DNMT3A: variants seen among roughly 807,000 people sequenced by gnomAD.
The protein encoded by DNMT3A is DNA methyltransferase 3 alpha.
In DNMT3A, 267 loss-of-function variants were observed where a neutral mutation model predicts 117.6. The ratio of observed to expected loss-of-function variants is 2.27; its 90% CI spans 2.05 to 2.51. The LOEUF (loss-of-function observed/expected upper bound fraction) is 2.51. DNMT3A is among the 30% of genes most tolerant of loss of function. The probability of loss-of-function intolerance (pLI) is 0.00; values close to 1 mark genes in which losing one functional copy is unlikely to be tolerated. For synonymous variants in DNMT3A, 432 were observed against 474.8 expected, an observed-to-expected ratio of 0.91 and a Z score of 1.17; for missense variants, 1,029 against 1,260.2, an observed-to-expected ratio of 0.82 and a Z score of 2.78.
intron 1 of DNMT3A, among the ~76,000 whole-genome samples, chr2:25,320,046 A>G (rs900490575): frequency 2.0e-5 from 3 of 152,230 alleles, no homozygotes; most frequent in Non-Finnish European, 2.9e-5. Context: ...CTGGGATTAG[A>G]GGCGTGAGCC....
At position 25,248,192 on chromosome 2, in the gene DNMT3A, C is replaced by T. The variant is rs757912991; in HGVS notation, c.700G>A (p.Gly234Arg). The change falls in exon 7 of 23, where the codon GGG becomes AGG. Residue 234 changes from glycine (G) to arginine (R), a missense_variant. By Grantham distance (125) the Gly-to-Arg change is moderately radical. Coordinates refer to ENST00000321117, the MANE Select transcript of DNMT3A (RefSeq NM_022552.5). ...MNAVEENQGP[G>R]ESQKVEEASP... is the part of the protein sequence containing the mutation. ...GCCTCCTCCACCTTCTGAGACTCCC[C>T]GGGCCCCTGGTTTTCTTCCACAGCA... The T allele has an allele frequency of 1.7e-5, 27 of 1,613,284 alleles. No individual in the cohort carries two copies. The highest frequency in any genetic ancestry group is 2.2e-5 in the East Asian group (1 of 44,884).
At chr2:25,299,221 G>A (rs561405875) in intron 3 of DNMT3A, among the ~76,000 whole-genome samples, 1 of 152,306 alleles carries the variant, frequency 6.6e-6, no homozygotes, top group Admixed American at 6.5e-5. Context: ...TACAGCCCAG[G>A]GGTCTTGTTC....
chr2:25,247,831 TGGGCATCTGGG>T lies in DNMT3A; in HGVS notation c.856-93_856-83del. 6.4e-7 allele frequency: 1 copy of T among 1,567,040 alleles called. No individual in the cohort carries two copies. The highest frequency in any genetic ancestry group is 8.6e-7 in the Non-Finnish European group (1 of 1,161,248). On this transcript the variant is annotated intron_variant, in intron 7 of 22. Transcript: ENST00000321117. The surrounding 1 kb of genome is among the most constrained non-coding windows in gnomAD (Gnocchi z 5.6). ...GATCCCCCCATGGCAACCCCAGCCCTGGGCATCTGGGGGGCAGGACAGCCAGGAGGGAGCTC... is the reference window on the plus strand; with the variant it reads ...GATCCCCCCATGGCAACCCCAGCCCTGGGCAGGACAGCCAGGAGGGAGCTC...
At chr2:25,251,866 C>A in intron 6 of DNMT3A, 1 of 415,610 alleles carries the variant, frequency 2.4e-6, no homozygotes, top group Middle Eastern at 6.2e-4. Flanking sequence ...CTGCCTCCAA[C>A]CCAACTCCTG....
chr2:25,236,972 CT>C lies in DNMT3A; in HGVS notation c.2441del (p.Glu814GlyfsTer11). ...TGCCATGCTCCAGACACTCCTGCAG[CT>C]CCAGCTTATCATTCACAGTGGATGC... Reference protein sequence around the residue: ...PLASTVNDKLELQECLEHGRI... With the variant: ...PLASTVNDKLXLQECLEHGRI... On this transcript the variant is annotated frameshift_variant, in exon 21 of 23. Transcript: ENST00000321117. LOFTEE classifies it high-confidence loss of function. The surrounding 1 kb of genome is among the most constrained non-coding windows in gnomAD (Gnocchi z 4.5). 6.2e-7 allele frequency: 1 copy of C among 1,613,636 alleles called. No individual in the cohort carries two copies. The highest frequency in any genetic ancestry group is 1.3e-5 in the African/African-American group (1 of 74,932).
chr2:25,302,870 A>T (rs2033593398), intron 2 of DNMT3A, among the ~76,000 whole-genome samples: 1 of 152,246 alleles, frequency 6.6e-6, no homozygotes, highest in African/African-American at 2.4e-5. Context: ...ATTAGGGGTC[A>T]TGTGAGGTCA....
intron 1 of DNMT3A, among the ~76,000 whole-genome samples, chr2:25,320,071 T>C (rs890992273): frequency 4.6e-5 from 7 of 152,144 alleles, no homozygotes; most frequent in African/African-American, 1.7e-4. Context: ...TGCCCAGCCA[T>C]GAATGGATTT....
At chr2:25,319,305 C>T (rs1212039857) in intron 1 of DNMT3A, among the ~76,000 whole-genome samples, 4 of 151,816 alleles carry the variant, frequency 2.6e-5, no homozygotes, top group South Asian at 2.1e-4. Flanking sequence ...TGAGCCACCA[C>T]GCCCGGGGTC....
intron 1 of DNMT3A, among the ~76,000 whole-genome samples, chr2:25,338,339 G>A (rs1332373826): frequency 6.6e-6 from 1 of 152,220 alleles, no homozygotes; most frequent in Non-Finnish European, 1.5e-5. Context: ...GCCCAAAGAT[G>A]GGGAGAGGGT....
rs2031990613 is a variant in DNMT3A at position 25,282,853 on chromosome 2, CAG to C, written c.178-144_178-143del. ...GTGTTCATATAAACCTTCATGCAAA[CAG>C]ATACATTCACAATTTTGCTTTCAAC... is the stretch of plus-strand genomic sequence containing the variant. On this transcript the variant is annotated intron_variant, in intron 3 of 22. Transcript: ENST00000321117. This position sits in a 1 kb window ranked among gnomAD's most constrained non-coding sequence, Gnocchi z 5.2. 6.6e-6 allele frequency: 7 copies of C among 1,060,046 alleles called. No individual in the cohort carries two copies. The highest frequency in any genetic ancestry group is 3.4e-5 in the Admixed American group (1 of 29,518). 65.7% of individuals were successfully genotyped at this position (1,060,046 alleles called of 1,614,324 possible).
At chr2:25,240,183 C>T in intron 19 of DNMT3A, 119 bp downstream of exon 19, 2 of 1,446,980 alleles carry the variant, frequency 1.4e-6, no homozygotes, top group Non-Finnish European at 1.9e-6. Context: ...CCCAAACAGG[C>T]CCCTTGCAAA....
rs1362908769 is a variant in DNMT3A, at chr2:25,252,182, C to G, written c.640-3930G>C. ...GCCCCCGGTCTCCCCGGGGCTCCGT[C>G]CAGGAACCTACCCATAAGGCCAGGT... On this transcript the variant is annotated intron_variant, in intron 6 of 22. Transcript: ENST00000321117. The surrounding 1 kb of genome is among the most constrained non-coding windows in gnomAD (Gnocchi z 5.5). The G allele has an allele frequency of 6.4e-7, 1 of 1,566,306 alleles. No individual in the cohort carries two copies. Among genetic ancestry groups the G allele is most frequent in the Admixed American group, 1.9e-5 (1 of 53,876 alleles).
chr2:25,285,198 A>C (rs779459592), intron 3 of DNMT3A, among the ~76,000 whole-genome samples: 18 of 152,206 alleles, frequency 1.2e-4, no homozygotes, highest in Non-Finnish European at 1.5e-4. Flanking sequence ...ACTCAAGTGC[A>C]CAGCCTGAGA....
Position 25,282,705 on chromosome 2 carries a change from T to G in DNMT3A, c.184A>C (p.Ser62Arg). 2 of 1,524,474 alleles carry G rather than the reference T, an allele frequency of 1.3e-6. No individual in the cohort carries two copies. Among genetic ancestry groups the G allele is most frequent in the African/African-American group, 2.8e-5 (2 of 71,956 alleles). The allele number at this position is 1,524,474 out of a possible 1,614,324, so 94.4% of individuals were successfully genotyped here. The part of the protein sequence containing the change: ...GRKRKHPPVE[S>R]GDTPKDPAVI... Reference sequence around the variant, plus strand: ...GCAGGGTCCTTTGGCGTGTCACCGCTTTCCACCTGCAAATGTAAGAAAGAT... The same window carrying G: ...GCAGGGTCCTTTGGCGTGTCACCGCGTTCCACCTGCAAATGTAAGAAAGAT... The change falls in exon 4 of 23, where the codon AGC (serine) becomes CGC (arginine). Residue 62 changes from serine to arginine, a missense_variant. Coordinates refer to ENST00000321117, the MANE Select transcript of DNMT3A (RefSeq NM_022552.5). The surrounding 1 kb of genome is among the most constrained non-coding windows in gnomAD (Gnocchi z 5.2).
At chr2:25,255,880 C>A (rs1191873193) in intron 6 of DNMT3A, among the ~76,000 whole-genome samples, 3 of 152,144 alleles carry the variant, frequency 2.0e-5, no homozygotes, top group Non-Finnish European at 4.4e-5. Flanking sequence ...CATCATGATA[C>A]CTCTCCAAAG....
rs1558723114 is a variant in DNMT3A at position 25,300,763 on chromosome 2, ATATAT to A, written c.73-525_73-521del. On this transcript the variant is annotated intron_variant, in intron 2 of 22. Transcript: ENST00000321117. ...TATATATATATATATATATATATAT[ATATAT>A]AAATAATACATCCTTTGGGGAACTT... Among the ~76,000 whole-genome samples, 78 of 77,554 alleles carry A rather than the reference ATATAT, an allele frequency of 1.0e-3. 2 individuals carry two copies. The highest frequency in any genetic ancestry group is 1.5e-3 in the Non-Finnish European group (60 of 41,328). The allele number at this position is 77,554 out of a possible 152,430, so 50.9% of individuals were successfully genotyped here. A position where few individuals can be genotyped will look rare whatever the true frequency, so the allele number is the denominator to read the frequency against.
chr2:25,282,683 G>A lies in DNMT3A; in HGVS notation c.206C>T (p.Pro69Leu), dbSNP rs2031976051. 1.3e-6 allele frequency: 2 copies of A among 1,549,028 alleles called. No individual in the cohort carries two copies. The highest frequency in any genetic ancestry group is 1.4e-5 in the African/African-American group (1 of 72,554). The change falls in exon 4 of 23, where the codon CCT becomes CTT. Residue 69 changes from proline (P) to leucine (L), a missense_variant. By Grantham distance (98) the Pro-to-Leu change is moderately conservative (BLOSUM62 -3). Coordinates refer to ENST00000321117, the MANE Select transcript of DNMT3A (RefSeq NM_022552.5). This position sits in a 1 kb window ranked among gnomAD's most constrained non-coding sequence, Gnocchi z 5.2. ...PVESGDTPKD[P>L]AVISKSPSMA... ...GGATGGGGACTTGGAGATCACCGCA[G>A]GGTCCTTTGGCGTGTCACCGCTTTC...
intron 6 of DNMT3A, among the ~76,000 whole-genome samples, chr2:25,253,801 C>G (rs1000284997): frequency 6.6e-6 from 1 of 152,178 alleles, no homozygotes; most frequent in Non-Finnish European, 1.5e-5. Flanking sequence ...TGGCCGAGCG[C>G]GGTGGCTCAC....
chr2:25,305,822 A>G lies in DNMT3A; in HGVS notation c.73-5579T>C, dbSNP rs1326949179. ...GCCCAGACACAGGACCCCTCCCCACAAGAGATTTATGTCTCTTGAGGCCCT... is the reference window on the plus strand; with the variant it reads ...GCCCAGACACAGGACCCCTCCCCACGAGAGATTTATGTCTCTTGAGGCCCT... On this transcript the variant is annotated intron_variant, in intron 2 of 22. Transcript: ENST00000321117. The surrounding 1 kb of genome is among the most constrained non-coding windows in gnomAD (Gnocchi z 4.1). Among the ~76,000 whole-genome samples the G allele has an allele frequency of 2.0e-5, 3 of 152,134 alleles. No homozygotes were observed. The highest frequency in any genetic ancestry group is 4.4e-5 in the Non-Finnish European group (3 of 68,014).
Sources: allele counts gnomAD v4.1 joint callset (sites outside exome capture counted in the v4.1 genomes callset), GRCh38; gene constraint gnomAD v4.1.1; non-coding constraint Gnocchi (gnomAD v3.1); transcripts MANE v1.5; gene names NCBI Gene and HGNC (gene_info 2026-07-23, HGNC 2026-07-21).